The following DLG2 variants were observed in gnomAD, a reference collection of about 807,000 sequenced individuals.
DLG2 encodes disks large homolog 2.
DLG2 carries 45 observed loss-of-function variants against 132.5 expected under a neutral mutation model. The ratio of observed to expected loss-of-function variants is 0.34; its 90% CI spans 0.27 to 0.44. The LOEUF is 0.44. DLG2 is among the 20% of genes least tolerant of loss of function. The pLI is 1.00. For missense variants in DLG2, 1,045 were observed against 1,196.9 expected, an observed-to-expected ratio of 0.87 and a Z score of 1.87; for synonymous variants, 424 against 419.6, an observed-to-expected ratio of 1.01 and a Z score of -0.13.
intron 6 of DLG2, among the ~76,000 whole-genome samples, chr11:85,103,194 T>G (rs771323311): frequency 8.6e-5 from 13 of 152,006 alleles, no homozygotes; most frequent in Non-Finnish European, 1.8e-4. Flanking sequence ...CTCAAATTGA[T>G]GTACAGAGTC....
At chr11:84,855,368 C>T (rs1226818105) in intron 6 of DLG2, among the ~76,000 whole-genome samples, 1 of 151,978 alleles carries the variant, frequency 6.6e-6, no homozygotes, top group Non-Finnish European at 1.5e-5. Context: ...GACAGAATTG[C>T]TATTTTAATG....
chr11:83,992,661 C>T (rs555033052), intron 11 of DLG2, among the ~76,000 whole-genome samples: 2 of 152,204 alleles, frequency 1.3e-5, no homozygotes, highest in Admixed American at 1.3e-4. Flanking sequence ...CATTAATGTA[C>T]ATTCAGCCCT....
intron 7 of DLG2, among the ~76,000 whole-genome samples, chr11:84,373,265 C>CAAAAAAAAAAAAAACAAAAAAA (rs59038372): frequency 1.0e-5 from 1 of 98,090 alleles, no homozygotes; most frequent in Non-Finnish European, 1.8e-5. Flanking sequence ...AAAAAAAAAA[C>CAAAAAAAAAAAAAACAAAAAAA]AAAACAAAAA....
intron 7 of DLG2, among the ~76,000 whole-genome samples, chr11:84,435,257 C>T (rs1357921457): frequency 6.6e-6 from 1 of 151,964 alleles, no homozygotes; most frequent in Non-Finnish European, 1.5e-5. Flanking sequence ...ACATACTGAA[C>T]CCTTAGAAAA....
intron 7 of DLG2, among the ~76,000 whole-genome samples, chr11:84,336,210 T>C (rs2098483991): frequency 6.6e-6 from 1 of 152,208 alleles, no homozygotes; most frequent in Non-Finnish European, 1.5e-5. Context: ...TAGGAGATGT[T>C]AAAAAGTAAA....
At chr11:85,335,630 C>T (rs2082075722) in intron 3 of DLG2, among the ~76,000 whole-genome samples, 1 of 152,162 alleles carries the variant, frequency 6.6e-6, no homozygotes, top group Non-Finnish European at 1.5e-5. Context: ...TTAGCATTTG[C>T]TTGTCTAAAA....
intron 7 of DLG2, among the ~76,000 whole-genome samples, chr11:84,425,198 C>G (rs2098962515): frequency 6.6e-6 from 1 of 152,038 alleles, no homozygotes; most frequent in Non-Finnish European, 1.5e-5. Context: ...ACTTCAAAGG[C>G]TGCAGATGAT....
chr11:83,527,297 T>A lies in DLG2; in HGVS notation c.2193+5411A>T, dbSNP rs78087061. On this transcript the variant is annotated intron_variant, in intron 21 of 27. Coordinates refer to ENST00000376104, the MANE Select transcript of DLG2 (RefSeq NM_001142699.3). ...CATGATGTCAATAAAAAAGAAAGCATGCTATAGTAAGCAGATTGTGAACTT... is the reference window on the plus strand; with the variant it reads ...CATGATGTCAATAAAAAAGAAAGCAAGCTATAGTAAGCAGATTGTGAACTT... Among the ~76,000 whole-genome samples, 48 of 152,352 alleles carry A rather than the reference T, an allele frequency of 3.2e-4. 3 individuals carry two copies. The East Asian group carries it at 9.2e-3, about 29-fold the overall frequency.
At chr11:85,574,375 C>T (rs1220305895) in intron 3 of DLG2, among the ~76,000 whole-genome samples, 3 of 151,212 alleles carry the variant, frequency 2.0e-5, no homozygotes, top group African/African-American at 7.3e-5. Flanking sequence ...TGCTTTCCTA[C>T]ACTTCTCCAT....
chr11:85,397,720 A>G (rs987129695), intron 3 of DLG2, among the ~76,000 whole-genome samples: 1 of 152,216 alleles, frequency 6.6e-6, no homozygotes, highest in Non-Finnish European at 1.5e-5. Flanking sequence ...ATTCAGCAAG[A>G]GGAGTTAACA....
chr11:84,396,291 A>T (rs2098810732), intron 7 of DLG2, among the ~76,000 whole-genome samples: 1 of 152,188 alleles, frequency 6.6e-6, no homozygotes, highest in South Asian at 2.1e-4. Flanking sequence ...TACGGGCTAC[A>T]TAGTTTTATA....
At chr11:84,409,636 C>T (rs983597807) in intron 7 of DLG2, among the ~76,000 whole-genome samples, 4 of 152,122 alleles carry the variant, frequency 2.6e-5, no homozygotes. Flanking sequence ...TTCTCCATTA[C>T]TTAGTTAGTG....
intron 15 of DLG2, among the ~76,000 whole-genome samples, chr11:83,887,632 C>A (rs1048236393): frequency 6.6e-6 from 1 of 151,912 alleles, no homozygotes; most frequent in Non-Finnish European, 1.5e-5. Flanking sequence ...CAAAGCCAGG[C>A]AGAGACACAA....
chr11:85,528,661 A>T (rs902015627), intron 3 of DLG2, among the ~76,000 whole-genome samples: 2 of 152,244 alleles, frequency 1.3e-5, no homozygotes, highest in African/African-American at 4.8e-5. Flanking sequence ...TTCATGAATA[A>T]ATAAATCCCC....
intron 3 of DLG2, among the ~76,000 whole-genome samples, chr11:85,462,620 G>A (rs1032068982): frequency 6.6e-6 from 1 of 151,892 alleles, no homozygotes; most frequent in Non-Finnish European, 1.5e-5. Flanking sequence ...ATGGACACAG[G>A]AAGGGGAACA....
chr11:85,608,685 T>A (rs902253026), intron 2 of DLG2, among the ~76,000 whole-genome samples: 1 of 152,058 alleles, frequency 6.6e-6, no homozygotes, highest in African/African-American at 2.4e-5. Flanking sequence ...TTTGTCCCCT[T>A]CAAGCTGTAG....
intron 8 of DLG2, among the ~76,000 whole-genome samples, chr11:84,203,064 A>C (rs1049250336): frequency 6.6e-6 from 1 of 152,214 alleles, no homozygotes. Flanking sequence ...GTGAATCCTC[A>C]AAGACCTAGA....
chr11:83,757,841 G>T (rs576214797), intron 18 of DLG2, among the ~76,000 whole-genome samples: 2 of 151,822 alleles, frequency 1.3e-5, no homozygotes, highest in Non-Finnish European at 2.9e-5. Context: ...TCCTACTTTT[G>T]TATTTCCCTT....
chr11:83,962,175 G>A (rs529854591), intron 14 of DLG2, among the ~76,000 whole-genome samples: 1 of 152,108 alleles, frequency 6.6e-6, no homozygotes, highest in South Asian at 2.1e-4. Flanking sequence ...GCACACATAT[G>A]TATACATGTA....
Sources: allele counts gnomAD v4.1 joint callset (sites outside exome capture counted in the v4.1 genomes callset), GRCh38; gene constraint gnomAD v4.1.1; transcripts MANE v1.5; gene names NCBI Gene and HGNC (gene_info 2026-07-23, HGNC 2026-07-21).